The following PTGER3 variants were observed in gnomAD, a reference collection of about 807,000 sequenced individuals.
PTGER3 encodes prostaglandin E receptor 3, also known as prostaglandin E2 receptor EP3 subtype.
Under a neutral mutation model 34.7 loss-of-function variants are expected in PTGER3, and 22 were observed. That is an observed-to-expected ratio of 0.63 (90% confidence interval 0.45 to 0.91). The LOEUF is 0.91. PTGER3 is among the 40% of genes least tolerant of loss of function. The pLI is 0.00. For missense variants in PTGER3, 468 were observed against 519.4 expected (o/e 0.90, Z 0.96); for synonymous variants, 241 against 230.1 (o/e 1.05, Z -0.43).
At chr1:70,886,913 A>G (rs1646510461) in intron 4 of PTGER3, among the ~76,000 whole-genome samples, 1 of 152,224 alleles carries the variant, frequency 6.6e-6, no homozygotes, top group East Asian at 1.9e-4. Context: ...CAGTTCTTAA[A>G]TACTTCTCCT....
chr1:71,041,765 T>C (rs75625742), intron 1 of PTGER3, among the ~76,000 whole-genome samples: 3 of 152,144 alleles, frequency 2.0e-5, no homozygotes, highest in African/African-American at 4.8e-5. Flanking sequence ...CTTAGTGTTG[T>C]GAGGCATGAA....
chr1:71,044,310 G>T (rs562149436), intron 1 of PTGER3, among the ~76,000 whole-genome samples: 2 of 150,930 alleles, frequency 1.3e-5, no homozygotes, highest in Admixed American at 6.6e-5. Context: ...GGTGGCGGGC[G>T]CCTGTAATCC....
At chr1:70,867,521 G>A (rs969691648) in intron 4 of PTGER3, among the ~76,000 whole-genome samples, 5 of 152,118 alleles carry the variant, frequency 3.3e-5, no homozygotes, top group African/African-American at 1.2e-4. Context: ...AGGAATTCGA[G>A]ACCAGCCTGG....
chr1:70,876,298 T>A (rs1646271548), intron 4 of PTGER3, among the ~76,000 whole-genome samples: 1 of 151,082 alleles, frequency 6.6e-6, no homozygotes. Flanking sequence ...TTTTTTTTGC[T>A]TATTAATGTG....
At chr1:70,927,308 T>C (rs1211898128) in intron 4 of PTGER3, among the ~76,000 whole-genome samples, 1 of 152,198 alleles carries the variant, frequency 6.6e-6, no homozygotes, top group Non-Finnish European at 1.5e-5. Flanking sequence ...ATCCATCTGG[T>C]CCTGGACTCT....
At chr1:70,955,031 A>G (rs12083645) in intron 2 of PTGER3, among the ~76,000 whole-genome samples, 20,072 of 152,158 alleles carry the variant, frequency 0.13, 2,058 homozygotes, top group African/African-American at 0.27. Flanking sequence ...TTAAGAAACT[A>G]TAATTATTTT....
intron 2 of PTGER3, among the ~76,000 whole-genome samples, chr1:70,993,947 G>A (rs982832560): frequency 1.3e-5 from 2 of 152,144 alleles, no homozygotes; most frequent in Admixed American, 6.5e-5. Flanking sequence ...AAGGCTCTTC[G>A]TTCTTGGAAG....
At chr1:71,031,216 C>G (rs1441949902) in intron 1 of PTGER3, among the ~76,000 whole-genome samples, 1 of 151,076 alleles carries the variant, frequency 6.6e-6, no homozygotes, top group Non-Finnish European at 1.5e-5. Context: ...CACTGCTACC[C>G]CAATTTCCCA....
intron 2 of PTGER3, among the ~76,000 whole-genome samples, chr1:70,979,995 T>C (rs914012923): frequency 4.6e-5 from 7 of 151,918 alleles, no homozygotes; most frequent in Non-Finnish European, 1.0e-4. Context: ...ATAGCACAGA[T>C]TGTAGAAGCC....
At chr1:70,952,242 C>T (rs956418449), downstream of PTGER3, among the ~76,000 whole-genome samples, 1 of 150,258 alleles carries the variant, frequency 6.7e-6, no homozygotes, top group Middle Eastern at 3.4e-3. Flanking sequence ...TTAATATTCT[C>T]ACATAACAGA....
At chr1:70,987,893 T>C (rs1426168961) in intron 2 of PTGER3, among the ~76,000 whole-genome samples, 1 of 152,228 alleles carries the variant, frequency 6.6e-6, no homozygotes, top group Non-Finnish European at 1.5e-5. Context: ...TAAGACACTG[T>C]GCTAGGCATT....
intron 2 of PTGER3, among the ~76,000 whole-genome samples, chr1:70,987,700 G>A (rs959949272): frequency 6.6e-6 from 1 of 152,114 alleles, no homozygotes; most frequent in Non-Finnish European, 1.5e-5. Context: ...GCTATGCATA[G>A]GCATAACCAC....
At chr1:70,879,118 T>C (rs1646332402) in intron 4 of PTGER3, among the ~76,000 whole-genome samples, 2 of 152,186 alleles carry the variant, frequency 1.3e-5, no homozygotes, top group Admixed American at 1.3e-4. Flanking sequence ...TCTTCATAGG[T>C]CTGTAAGTAT....
At chr1:70,992,200 T>A (rs1461157328) in intron 2 of PTGER3, among the ~76,000 whole-genome samples, 1 of 152,148 alleles carries the variant, frequency 6.6e-6, no homozygotes, top group East Asian at 1.9e-4. Flanking sequence ...TCTTTATTCA[T>A]CCAGATAGCT....
intron 2 of PTGER3, among the ~76,000 whole-genome samples, chr1:70,964,775 G>T (rs1364542730): frequency 1.3e-5 from 2 of 152,164 alleles, no homozygotes; most frequent in African/African-American, 4.8e-5. Flanking sequence ...GAATTATCTT[G>T]AATTATTATG....
At chr1:71,029,959 T>TAATAAC (rs1020386414) in intron 1 of PTGER3, among the ~76,000 whole-genome samples, 2 of 131,372 alleles carry the variant, frequency 1.5e-5, no homozygotes, top group Admixed American at 7.7e-5. Context: ...ATAATAATAA[T>TAATAAC]AACAAAATAA....
chr1:70,997,532 A>G (rs1189831465), intron 2 of PTGER3, among the ~76,000 whole-genome samples: 1 of 152,224 alleles, frequency 6.6e-6, no homozygotes, highest in African/African-American at 2.4e-5. Flanking sequence ...CAATAATCCA[A>G]TTATAATTGT....
chr1:70,905,215 C>T (rs1646919510), intron 4 of PTGER3, among the ~76,000 whole-genome samples: 1 of 152,136 alleles, frequency 6.6e-6, no homozygotes, highest in Non-Finnish European at 1.5e-5. Flanking sequence ...GATGCCCAGG[C>T]AGAAGTTTGC....
intron 4 of PTGER3, among the ~76,000 whole-genome samples, chr1:70,900,841 C>A (rs1271674335): frequency 1.3e-5 from 2 of 152,132 alleles, no homozygotes; most frequent in Non-Finnish European, 2.9e-5. Flanking sequence ...CTTGGATAAA[C>A]CTCTCCAAGC....
Sources: allele counts gnomAD v4.1 joint callset (sites outside exome capture counted in the v4.1 genomes callset), GRCh38; gene constraint gnomAD v4.1.1; transcripts MANE v1.5; gene names NCBI Gene and HGNC (gene_info 2026-07-23, HGNC 2026-07-21).